The following SDK1 variants were observed in gnomAD, a reference collection of about 807,000 sequenced individuals.
The protein encoded by SDK1 is sidekick cell adhesion molecule 1, also known as protein sidekick-1.
In SDK1, 157 loss-of-function variants were observed where a neutral mutation model predicts 245.5. The observed-to-expected ratio is 0.64, with a 90% CI of 0.56 to 0.73. The LOEUF (loss-of-function observed/expected upper bound fraction) is 0.73, where lower values mean the gene tolerates loss of function less well. Ranked by LOEUF, SDK1 falls within the 30% of genes least tolerant of loss-of-function variation. SDK1 has a pLI of 0.00. For synonymous variants in SDK1, 1,647 were observed against 1,278.5 expected (o/e 1.29, Z -6.15); for missense variants, 3,583 against 3,002.3 (o/e 1.19, Z -4.52).
chr7:3,542,019 C>T (rs1779066843), intron 1 of SDK1, among the ~76,000 whole-genome samples: 1 of 152,218 alleles, frequency 6.6e-6, no homozygotes, highest in Non-Finnish European at 1.5e-5. Context: ...CAAACCTGCA[C>T]ATTGTGCACA....
chr7:4,010,700 T>C (rs1045409771), intron 14 of SDK1, among the ~76,000 whole-genome samples: 6 of 152,196 alleles, frequency 3.9e-5, no homozygotes, highest in African/African-American at 1.4e-4. Context: ...TTTGGTTCCT[T>C]TTAAACCGCC....
rs142314524 is a variant in SDK1 at position 4,036,898 on chromosome 7, T to C, written c.2603-12450T>C. Among the ~76,000 whole-genome samples, 206 of 152,322 alleles carry C rather than the reference T, an allele frequency of 1.4e-3. 3 individuals are homozygous for C. In the East Asian group the frequency reaches 0.031, roughly 23 times the overall value. ...TACACAGTCTATGATATTTTTGTTA[T>C]AGCAGCCTGAACTAAGTTGGTATAC... is the stretch of plus-strand genomic sequence containing the variant. On this transcript the variant is annotated intron_variant, in intron 17 of 44. Transcript: ENST00000404826.
chr7:3,975,044 A>G (rs1782805386), intron 13 of SDK1, among the ~76,000 whole-genome samples: 1 of 151,980 alleles, frequency 6.6e-6, no homozygotes, highest in South Asian at 2.1e-4. Context: ...AATCTTGAAA[A>G]CAGAAAGCAA....
chr7:3,579,121 A>C (rs1197345310), intron 1 of SDK1, among the ~76,000 whole-genome samples: 1 of 151,990 alleles, frequency 6.6e-6, no homozygotes, highest in African/African-American at 2.4e-5. Flanking sequence ...TTATGAAAGT[A>C]CTATCTTCTA....
intron 4 of SDK1, among the ~76,000 whole-genome samples, chr7:3,658,799 G>T (rs2128658636): frequency 6.6e-6 from 1 of 152,066 alleles, no homozygotes. Context: ...TGTATTTTTA[G>T]TAGATATGTG....
chr7:3,460,337 T>C (rs1780794730), intron 1 of SDK1, among the ~76,000 whole-genome samples: 1 of 152,190 alleles, frequency 6.6e-6, no homozygotes, highest in African/African-American at 2.4e-5. Flanking sequence ...AATTACTGAA[T>C]TATTAACTTT....
At chr7:3,918,444 C>T (rs1178276097) in intron 5 of SDK1, among the ~76,000 whole-genome samples, 2 of 152,204 alleles carry the variant, frequency 1.3e-5, no homozygotes, top group African/African-American at 2.4e-5. Context: ...CTAGGTTACA[C>T]ACGCCTTATG....
intron 13 of SDK1, among the ~76,000 whole-genome samples, chr7:3,975,727 C>T (rs188853185): frequency 1.3e-5 from 2 of 152,352 alleles, no homozygotes; most frequent in East Asian, 3.9e-4. Flanking sequence ...GTCATCAGTA[C>T]CTGAAAAACA....
At chr7:4,139,386 C>CGT (rs1196507216) in intron 28 of SDK1, among the ~76,000 whole-genome samples, 1 of 130,010 alleles carries the variant, frequency 7.7e-6, no homozygotes, top group South Asian at 2.5e-4. Flanking sequence ...TATATATGTA[C>CGT]GTGTGTGTGT....
intron 5 of SDK1, among the ~76,000 whole-genome samples, chr7:3,916,931 C>G (rs1454218772): frequency 6.6e-6 from 1 of 152,166 alleles, no homozygotes; most frequent in African/African-American, 2.4e-5. Context: ...CAGATGCAGA[C>G]TCATAGTATA....
chr7:4,150,785 A>G (rs1482197260), intron 30 of SDK1, among the ~76,000 whole-genome samples: 6 of 152,222 alleles, frequency 3.9e-5, no homozygotes, highest in Admixed American at 3.9e-4. Context: ...AGATGTGACA[A>G]CAGGGGGTTT....
intron 44 of SDK1, among the ~76,000 whole-genome samples, chr7:4,248,526 G>A (rs202168255): frequency 6.8e-6 from 1 of 148,142 alleles, no homozygotes; most frequent in Non-Finnish European, 1.5e-5. Flanking sequence ...GCACACATAC[G>A]TACACATACA....
intron 4 of SDK1, among the ~76,000 whole-genome samples, chr7:3,810,536 C>A (rs1341944098): frequency 6.6e-6 from 1 of 152,122 alleles, no homozygotes; most frequent in Admixed American, 6.6e-5. Context: ...TGGATAAGTA[C>A]AAATTGACTG....
intron 9 of SDK1, among the ~76,000 whole-genome samples, chr7:3,964,400 C>A (rs1429048718): frequency 2.0e-5 from 3 of 152,208 alleles, no homozygotes; most frequent in East Asian, 3.8e-4. Context: ...ATTTTCTGGG[C>A]AGAATTGGAA....
At chr7:4,116,716 G>C (rs1358021549) in intron 25 of SDK1, among the ~76,000 whole-genome samples, 2 of 152,206 alleles carry the variant, frequency 1.3e-5, no homozygotes, top group Non-Finnish European at 2.9e-5. Context: ...GTAGACAGGA[G>C]GACTCTTAAG....
At chr7:3,726,317 G>C (rs1367380314) in intron 4 of SDK1, among the ~76,000 whole-genome samples, 1 of 152,220 alleles carries the variant, frequency 6.6e-6, no homozygotes, top group African/African-American at 2.4e-5. Context: ...TCAGTGTGAA[G>C]AACGAAGTTA....
At chr7:3,491,739 G>A (rs937781621) in intron 1 of SDK1, among the ~76,000 whole-genome samples, 2 of 152,144 alleles carry the variant, frequency 1.3e-5, no homozygotes, top group African/African-American at 4.8e-5. Flanking sequence ...CGAGTGTTAC[G>A]GCTTTTTAAA....
intron 4 of SDK1, among the ~76,000 whole-genome samples, chr7:3,685,549 A>G (rs1784255647): frequency 6.6e-6 from 1 of 152,220 alleles, no homozygotes; most frequent in Non-Finnish European, 1.5e-5. Flanking sequence ...AGGGGCAAAT[A>G]TAATACACAA....
intron 4 of SDK1, among the ~76,000 whole-genome samples, chr7:3,740,419 G>C (rs1410890986): frequency 6.6e-6 from 1 of 152,158 alleles, no homozygotes; most frequent in Non-Finnish European, 1.5e-5. Flanking sequence ...TCATATTGCT[G>C]CCTCAGGGAA....
Sources: allele counts gnomAD v4.1 joint callset (sites outside exome capture counted in the v4.1 genomes callset), GRCh38; gene constraint gnomAD v4.1.1; transcripts MANE v1.5; gene names NCBI Gene and HGNC (gene_info 2026-07-23, HGNC 2026-07-21).